ADORA2B: variants seen among roughly 807,000 people sequenced by gnomAD.
ADORA2B encodes adenosine receptor A2b.
ADORA2B carries 18 observed loss-of-function variants against 20.8 expected under a neutral mutation model. The observed-to-expected ratio is 0.87, with a 90% confidence interval of 0.60 to 1.29. ADORA2B has a LOEUF of 1.29. Among genes scored for constraint, ADORA2B ranks in the 50% most tolerant of loss-of-function variants. The probability of loss-of-function intolerance (pLI) is 0.00; values close to 1 mark genes in which losing one functional copy is unlikely to be tolerated. For synonymous variants in ADORA2B, 179 were observed against 178.3 expected (o/e 1.00, Z -0.03); for missense variants, 441 against 422.7 (o/e 1.04, Z -0.38).
the ADORA2B span, among the ~76,000 whole-genome samples, chr17:15,853,876 A>G: frequency 6.6e-6 from 1 of 151,416 alleles, no homozygotes; most frequent in Admixed American, 6.6e-5. Flanking sequence ...TTAAAAGGTC[A>G]GTGTCTCTCA....
At chr17:15,908,785 AAC>A in the ADORA2B span, among the ~76,000 whole-genome samples, 1 of 152,098 alleles carries the variant, frequency 6.6e-6, no homozygotes, top group Non-Finnish European at 1.5e-5. Flanking sequence ...CCAAATAAGA[AAC>A]AGAGTGTACC....
the ADORA2B span, among the ~76,000 whole-genome samples, chr17:15,866,778 T>G: frequency 1.7e-4 from 25 of 149,510 alleles, no homozygotes; most frequent in Admixed American, 1.7e-3. Flanking sequence ...CTCCCTCTGA[T>G]GCCGAGCCAA....
the ADORA2B span, among the ~76,000 whole-genome samples, chr17:15,924,503 G>A: frequency 6.6e-6 from 1 of 152,164 alleles, no homozygotes; most frequent in South Asian, 2.1e-4. Flanking sequence ...AGGCCGAGTC[G>A]GGCAAATCAC....
chr17:15,955,052 T>G (rs1048116288), intron 1 of ADORA2B, among the ~76,000 whole-genome samples: 7 of 152,200 alleles, frequency 4.6e-5, no homozygotes, highest in African/African-American at 1.7e-4. Context: ...CCTTGCCAAT[T>G]TGAAGACTTA....
chr17:15,893,916 A>G, the ADORA2B span, among the ~76,000 whole-genome samples: 3 of 152,168 alleles, frequency 2.0e-5, no homozygotes, highest in East Asian at 1.9e-4. Flanking sequence ...CAACTATTCA[A>G]CTCTACCATT....
At chr17:15,851,691 C>G in the ADORA2B span, among the ~76,000 whole-genome samples, 1 of 152,186 alleles carries the variant, frequency 6.6e-6, no homozygotes, top group South Asian at 2.1e-4. Context: ...CAAATACACC[C>G]CTTAGCTTTC....
chr17:15,913,442 T>G, the ADORA2B span, among the ~76,000 whole-genome samples: 1 of 152,230 alleles, frequency 6.6e-6, no homozygotes, highest in African/African-American at 2.4e-5. Context: ...TCAACAGTTG[T>G]TTCCAGCTTT....
At chr17:15,945,870 ACCCCGGGGAAAGCGTCAC>A (rs1188805572) in intron 1 of ADORA2B, among the ~76,000 whole-genome samples, 81 of 151,776 alleles carry the variant, frequency 5.3e-4, no homozygotes, top group Middle Eastern at 3.4e-3. Context: ...CGCCGTGGAA[ACCCCGGGGAAAGCGTCAC>A]CCCCGGGGAA....
At chr17:15,885,008 A>T in the ADORA2B span, among the ~76,000 whole-genome samples, 2 of 152,210 alleles carry the variant, frequency 1.3e-5, no homozygotes, top group Admixed American at 1.3e-4. Flanking sequence ...TGTGTTCCAC[A>T]ATGATTGAAC....
the ADORA2B span, among the ~76,000 whole-genome samples, chr17:15,885,163 AAT>A: frequency 6.6e-6 from 1 of 152,214 alleles, no homozygotes; most frequent in Non-Finnish European, 1.5e-5. Context: ...GCATTTCTCT[AAT>A]AAGTGATGTT....
At chr17:15,860,702 GA>G in the ADORA2B span, 1 of 152,302 alleles carries the variant, frequency 6.6e-6, no homozygotes, top group Non-Finnish European at 1.5e-5. Context: ...CATTACATCA[GA>G]AGCATATATA....
At chr17:15,931,994 G>A in the ADORA2B span, among the ~76,000 whole-genome samples, 2 of 152,022 alleles carry the variant, frequency 1.3e-5, no homozygotes, top group African/African-American at 2.4e-5. Context: ...AGCCTCCCAA[G>A]TGCTGGGATT....
chr17:15,895,099 A>G, the ADORA2B span, among the ~76,000 whole-genome samples: 2 of 152,110 alleles, frequency 1.3e-5, no homozygotes, highest in Non-Finnish European at 2.9e-5. Flanking sequence ...GTATTTTTCT[A>G]TGAAGGCCTT....
chr17:15,916,550 A>T, the ADORA2B span, among the ~76,000 whole-genome samples: 1 of 152,214 alleles, frequency 6.6e-6, no homozygotes, highest in South Asian at 2.1e-4. Flanking sequence ...TGGGGTCTGC[A>T]AGCTCCTGCG....
the ADORA2B span, among the ~76,000 whole-genome samples, chr17:15,871,130 C>T: frequency 3.3e-5 from 5 of 152,202 alleles, no homozygotes; most frequent in Non-Finnish European, 5.9e-5. Context: ...GGGGCACCCG[C>T]TCCCACTCTT....
chr17:15,855,816 A>G, the ADORA2B span, among the ~76,000 whole-genome samples: 18 of 152,166 alleles, frequency 1.2e-4, no homozygotes, highest in African/African-American at 3.9e-4. Flanking sequence ...CATAGTATCC[A>G]ATAGGTAGTT....
chr17:15,945,163 A>C lies in ADORA2B; in HGVS notation c.-86A>C. On this transcript the variant is annotated 5_prime_UTR_variant, in exon 1 of 2. It removes an upstream start codon present in the reference 5' UTR. Coordinates refer to ENST00000304222, the MANE Select transcript of ADORA2B (RefSeq NM_000676.4). The stretch of plus-strand genomic sequence containing the variant: ...CAGGCGGAGGCGCGGTCCGGGCGCT[A>C]TGGCCATGCCCGGCGGGTCTCACGC... 1.7e-6 allele frequency: 2 copies of C among 1,181,026 alleles called. No homozygotes were observed. The highest frequency in any genetic ancestry group is 2.2e-6 in the Non-Finnish European group (2 of 914,544). The allele number at this position is 1,181,026 out of a possible 1,614,324, so 73.2% of individuals were successfully genotyped here. A position where few individuals can be genotyped will look rare whatever the true frequency, so the allele number is the denominator to read the frequency against.
At chr17:15,891,399 C>T in the ADORA2B span, among the ~76,000 whole-genome samples, 1 of 152,258 alleles carries the variant, frequency 6.6e-6, no homozygotes, top group Non-Finnish European at 1.5e-5. Context: ...CATGAACCCA[C>T]TTATGTGTGC....
the ADORA2B span, among the ~76,000 whole-genome samples, chr17:15,889,113 C>G: frequency 8.1e-6 from 1 of 123,982 alleles, no homozygotes; most frequent in Non-Finnish European, 1.7e-5. Flanking sequence ...GGTGATCCAC[C>G]TGCCTCGGCC....
Sources: gnomAD v4.1 joint callset for allele counts (sites outside exome capture counted in the v4.1 genomes callset) on GRCh38, gnomAD v4.1.1 for gene constraint, MANE v1.5 for transcripts, NCBI Gene and HGNC (gene_info 2026-07-23, HGNC 2026-07-21) for gene names.